The following PARVA variants were observed in gnomAD, a reference collection of about 807,000 sequenced individuals.
The protein encoded by PARVA is alpha-parvin.
PARVA carries 25 observed loss-of-function variants against 52.6 expected under a neutral mutation model. The ratio of observed to expected loss-of-function variants is 0.48; its 90% CI spans 0.35 to 0.66. The LOEUF (loss-of-function observed/expected upper bound fraction) is 0.66. Ranked by LOEUF, PARVA falls within the 30% of genes least tolerant of loss-of-function variation. The pLI is 0.01. For missense variants in PARVA, 373 were observed against 450.9 expected (o/e 0.83, Z 1.56); for synonymous variants, 185 against 179.1 (o/e 1.03, Z -0.26).
chr11:12,500,468 C>A (rs796330478), intron 5 of PARVA, among the ~76,000 whole-genome samples: 4 of 152,262 alleles, frequency 2.6e-5, no homozygotes, highest in African/African-American at 9.6e-5. Flanking sequence ...GGAAAAATGG[C>A]ATATTTTTGT....
At chr11:12,444,360 TA>T (rs1200060055) in intron 1 of PARVA, among the ~76,000 whole-genome samples, 1 of 152,176 alleles carries the variant, frequency 6.6e-6, no homozygotes, top group African/African-American at 2.4e-5. Flanking sequence ...ACAGGCAGCT[TA>T]GACAATTAAT....
At chr11:12,496,691 C>T in intron 5 of PARVA, 93 bp downstream of exon 5, 3 of 1,258,780 alleles carry the variant, frequency 2.4e-6, no homozygotes, top group Non-Finnish European at 3.3e-6. Context: ...GCTTGGCAGG[C>T]TTCAGGGGAG....
intron 1 of PARVA, among the ~76,000 whole-genome samples, chr11:12,445,571 C>G (rs180707084): frequency 6.6e-6 from 1 of 152,040 alleles, no homozygotes; most frequent in South Asian, 2.1e-4. Context: ...ATACCAGGCT[C>G]TTTGTAACAT....
At chr11:12,489,134 G>A (rs1264118361) in intron 4 of PARVA, among the ~76,000 whole-genome samples, 1 of 151,236 alleles carries the variant, frequency 6.6e-6, no homozygotes, top group Non-Finnish European at 1.5e-5. Flanking sequence ...AGACTAGCAT[G>A]GGCAATATGG....
intron 12 of PARVA, among the ~76,000 whole-genome samples, chr11:12,519,999 A>G (rs944409510): frequency 2.6e-5 from 4 of 152,176 alleles, no homozygotes; most frequent in Non-Finnish European, 5.9e-5. Flanking sequence ...TTTTGCTTCC[A>G]CTTTCTTCAA....
intron 1 of PARVA, among the ~76,000 whole-genome samples, chr11:12,448,171 C>T (rs752196024): frequency 1.3e-5 from 2 of 152,110 alleles, no homozygotes; most frequent in Non-Finnish European, 2.9e-5. Context: ...AGATTTTGGT[C>T]GTGTTGCAGC....
chr11:12,412,971 A>T (rs546500307), intron 1 of PARVA, among the ~76,000 whole-genome samples: 1 of 152,368 alleles, frequency 6.6e-6, no homozygotes, highest in Non-Finnish European at 1.5e-5. Context: ...ATGAAGCTGG[A>T]ATTAGAAATT....
chr11:12,403,339 G>A (rs554456191), intron 1 of PARVA, among the ~76,000 whole-genome samples: 1 of 152,222 alleles, frequency 6.6e-6, no homozygotes, highest in African/African-American at 2.4e-5. Flanking sequence ...GGAGCAACAG[G>A]TACCCTGATT....
In PARVA at chr11:12,415,310, G is replaced by A. The variant is rs75576047; in HGVS notation, c.136+37527G>A. Among the ~76,000 whole-genome samples the A allele has an allele frequency of 2.3e-3, 343 of 152,282 alleles. 1 individual carries two copies. Among genetic ancestry groups the A allele is most frequent in the African/African-American group, 8.0e-3 (333 of 41,566 alleles). ...GCAGAATAAGAGTACACAAAGTTTCGTGTGTCATATGCTAAGCTTTCTCCT... is the reference window on the plus strand; with the variant it reads ...GCAGAATAAGAGTACACAAAGTTTCATGTGTCATATGCTAAGCTTTCTCCT... On this transcript the variant is annotated intron_variant, in intron 1 of 12. Coordinates refer to ENST00000334956, the MANE Select transcript of PARVA (RefSeq NM_018222.5).
intron 1 of PARVA, among the ~76,000 whole-genome samples, chr11:12,450,925 G>A (rs1940615556): frequency 6.6e-6 from 1 of 152,168 alleles, no homozygotes; most frequent in African/African-American, 2.4e-5. Flanking sequence ...CTGAGGGCAG[G>A]TCTGCCTCTC....
Position 12,402,893 on chromosome 11 carries a change from C to T in PARVA, c.136+25110C>T, listed in dbSNP as rs1486050359. ...TTGAGTCTCCATTCTGGGCCTCAAC[C>T]GAGTCTCAGAAATCCAAATACATTT... is the stretch of plus-strand genomic sequence containing the variant. On this transcript the variant is annotated intron_variant, in intron 1 of 12. Coordinates refer to ENST00000334956, the MANE Select transcript of PARVA (RefSeq NM_018222.5). Among the ~76,000 whole-genome samples the T allele has an allele frequency of 4.6e-5, 7 of 152,160 alleles. No individual in the cohort carries two copies. In the South Asian group the frequency reaches 6.2e-4, roughly 14 times the overall value.
intron 6 of PARVA, among the ~76,000 whole-genome samples, chr11:12,507,981 T>C (rs908270091): frequency 6.6e-6 from 1 of 150,602 alleles, no homozygotes; most frequent in African/African-American, 2.5e-5. Context: ...GATGGATGGA[T>C]GGATGGATGG....
chr11:12,435,121 C>G (rs983148891), intron 1 of PARVA, among the ~76,000 whole-genome samples: 1 of 152,190 alleles, frequency 6.6e-6, no homozygotes, highest in East Asian at 1.9e-4. Context: ...CTGGGACTTC[C>G]CAATTTCCAG....
At chr11:12,387,552 A>AGT (rs1555029143) in intron 1 of PARVA, among the ~76,000 whole-genome samples, 9 of 67,652 alleles carry the variant, frequency 1.3e-4, no homozygotes, top group Non-Finnish European at 3.1e-4. Flanking sequence ...TCTATTTTTG[A>AGT]GCGTGTGTGT....
chr11:12,439,574 G>A (rs1025746940), intron 1 of PARVA, among the ~76,000 whole-genome samples: 5 of 152,188 alleles, frequency 3.3e-5, no homozygotes, highest in Admixed American at 2.6e-4. Flanking sequence ...ACAGGCCTGG[G>A]TTGCCATGTT....
At chr11:12,434,690 A>G (rs542397598) in intron 1 of PARVA, among the ~76,000 whole-genome samples, 85 of 152,072 alleles carry the variant, frequency 5.6e-4, no homozygotes, top group African/African-American at 1.5e-3. Flanking sequence ...CTGGGCCTCT[A>G]TCCTTCCAGA....
chr11:12,408,128 T>G lies in PARVA; in HGVS notation c.136+30345T>G, dbSNP rs1241528577. Among the ~76,000 whole-genome samples, 4 of 152,248 alleles carry G rather than the reference T, an allele frequency of 2.6e-5. No individual in the cohort carries two copies. In the East Asian group the frequency reaches 7.7e-4, roughly 29 times the overall value. ...CACCTTTGCTTGGGCATTCCCCTGT[T>G]GTCACCACATGCCCCCACCCCGACC... On this transcript the variant is annotated intron_variant, in intron 1 of 12. Coordinates refer to ENST00000334956, the MANE Select transcript of PARVA (RefSeq NM_018222.5).
At chr11:12,521,096 G>A (rs770349955) in intron 12 of PARVA, among the ~76,000 whole-genome samples, 1 of 152,174 alleles carries the variant, frequency 6.6e-6, no homozygotes, top group Non-Finnish European at 1.5e-5. Context: ...AGAATAACAG[G>A]CAGGCAGGGA....
chr11:12,437,233 C>A (rs781035114), intron 1 of PARVA, among the ~76,000 whole-genome samples: 1 of 152,194 alleles, frequency 6.6e-6, no homozygotes, highest in Non-Finnish European at 1.5e-5. Flanking sequence ...CCTAGAAGAA[C>A]AAGAAAGGAC....
Sources: gnomAD v4.1 joint callset for allele counts (sites outside exome capture counted in the v4.1 genomes callset) on GRCh38, gnomAD v4.1.1 for gene constraint, MANE v1.5 for transcripts, NCBI Gene and HGNC (gene_info 2026-07-23, HGNC 2026-07-21) for gene names.